The following FBLN7 variants were observed in gnomAD, a reference collection of about 807,000 sequenced individuals.
FBLN7 encodes the protein fibulin 7, also known as fibulin-7.
In FBLN7, 31 loss-of-function variants were observed where a neutral mutation model predicts 44.0. The ratio of observed to expected loss-of-function variants is 0.70; its 90% CI spans 0.53 to 0.95. The LOEUF (loss-of-function observed/expected upper bound fraction) is 0.95, where lower values mean the gene tolerates loss of function less well. Ranked by LOEUF, FBLN7 falls within the 40% of genes least tolerant of loss-of-function variation. The pLI is 0.00. For missense variants in FBLN7, 573 were observed against 618.5 expected (o/e 0.93, Z 0.78); for synonymous variants, 262 against 253.4 (o/e 1.03, Z -0.32).
At chr2:112,205,516 GAAC>G in the FBLN7 span, among the ~76,000 whole-genome samples, 2 of 151,866 alleles carry the variant, frequency 1.3e-5, no homozygotes, top group East Asian at 3.9e-4. Context: ...AAGAAAAAAA[GAAC>G]AACAAAGATA....
the FBLN7 span, among the ~76,000 whole-genome samples, chr2:112,240,988 C>T: frequency 0.097 from 12,970 of 133,944 alleles, 733 homozygotes; most frequent in Non-Finnish European, 0.14. Context: ...TGTGTGTGCG[C>T]GTGTGTATGT....
At chr2:112,155,983 A>C in intron 1 of FBLN7, among the ~76,000 whole-genome samples, 1 of 152,172 alleles carries the variant, frequency 6.6e-6, no homozygotes, top group East Asian at 1.9e-4. Context: ...TACCCGGGGC[A>C]GCTGCGGCTC....
intron 1 of FBLN7, among the ~76,000 whole-genome samples, chr2:112,143,066 C>T: frequency 6.6e-6 from 1 of 152,174 alleles, no homozygotes; most frequent in Non-Finnish European, 1.5e-5. Context: ...CTCTCTCCTG[C>T]TCTCCTCTGT....
At chr2:112,207,510 T>C in the FBLN7 span, among the ~76,000 whole-genome samples, 1 of 151,706 alleles carries the variant, frequency 6.6e-6, no homozygotes, top group Non-Finnish European at 1.5e-5. Flanking sequence ...TTGTTTGAGG[T>C]ATATTCAATA....
At chr2:112,227,112 T>C in the FBLN7 span, among the ~76,000 whole-genome samples, 1 of 152,234 alleles carries the variant, frequency 6.6e-6, no homozygotes, top group Non-Finnish European at 1.5e-5. Context: ...ACTGAATGCT[T>C]CTGCCAAATA....
At chr2:112,160,750 A>G (rs1432941070) in intron 2 of FBLN7, among the ~76,000 whole-genome samples, 14 of 128,794 alleles carry the variant, frequency 1.1e-4, no homozygotes, top group African/African-American at 2.9e-4. Flanking sequence ...ACACACGCGC[A>G]CGCACACACG....
the FBLN7 span, chr2:112,214,348 A>G: frequency 6.6e-6 from 1 of 152,156 alleles, no homozygotes; most frequent in Non-Finnish European, 1.5e-5. Flanking sequence ...CTTTGGCTTT[A>G]AAGACGGTCA....
At chr2:112,162,873 C>T (rs1192739545) in intron 2 of FBLN7, among the ~76,000 whole-genome samples, 1 of 152,018 alleles carries the variant, frequency 6.6e-6, no homozygotes, top group East Asian at 1.9e-4. Context: ...ACTATTTTCC[C>T]CCAATGCATT....
At chr2:112,211,145 A>G in the FBLN7 span, among the ~76,000 whole-genome samples, 1 of 152,168 alleles carries the variant, frequency 6.6e-6, no homozygotes, top group South Asian at 2.1e-4. Context: ...GATGCTTCCT[A>G]TCTTTGACTT....
chr2:112,160,703 C>A (rs1211087596), intron 2 of FBLN7, among the ~76,000 whole-genome samples: 3 of 108,734 alleles, frequency 2.8e-5, no homozygotes, highest in Non-Finnish European at 4.1e-5. Flanking sequence ...CACACACGCA[C>A]GCACACACAC....
At chr2:112,237,570 A>G in the FBLN7 span, among the ~76,000 whole-genome samples, 1 of 141,796 alleles carries the variant, frequency 7.1e-6, no homozygotes, top group Non-Finnish European at 1.6e-5. Flanking sequence ...TGACAGCATT[A>G]AAATTTTAAT....
downstream of FBLN7, among the ~76,000 whole-genome samples, chr2:112,191,651 T>C (rs564014670): frequency 6.6e-6 from 1 of 152,322 alleles, no homozygotes; most frequent in Non-Finnish European, 1.5e-5. Context: ...TCATTTTTTT[T>C]CTTCAATTCT....
the FBLN7 span, chr2:112,236,743 A>T: frequency 6.6e-7 from 1 of 1,520,648 alleles, no homozygotes; most frequent in Non-Finnish European, 8.9e-7. Flanking sequence ...TTACAATAGC[A>T]GTTTACTTTT....
At chr2:112,181,391 T>C (rs1486655797) in intron 4 of FBLN7, among the ~76,000 whole-genome samples, 2 of 151,922 alleles carry the variant, frequency 1.3e-5, no homozygotes, top group Non-Finnish European at 2.9e-5. Context: ...TAGTGGCCCA[T>C]GGTTTTAAAC....
the FBLN7 span, among the ~76,000 whole-genome samples, chr2:112,224,404 T>C: frequency 6.6e-6 from 1 of 152,188 alleles, no homozygotes; most frequent in African/African-American, 2.4e-5. Flanking sequence ...TGAAGAGAAT[T>C]TCATTAACTT....
intron 5 of FBLN7, among the ~76,000 whole-genome samples, chr2:112,182,588 G>A (rs1683055755): frequency 6.6e-6 from 1 of 152,120 alleles, no homozygotes; most frequent in Non-Finnish European, 1.5e-5. Flanking sequence ...AGCCCTCTGG[G>A]CCCTCGGCTT....
intron 4 of FBLN7, among the ~76,000 whole-genome samples, chr2:112,180,747 C>T (rs868559069): frequency 4.0e-5 from 6 of 151,616 alleles, no homozygotes; most frequent in African/African-American, 4.8e-5. Flanking sequence ...GGTGAAACCC[C>T]GTCTCTACTA....
At chr2:112,212,142 T>A in the FBLN7 span, 6 of 152,344 alleles carry the variant, frequency 3.9e-5, no homozygotes, top group Admixed American at 3.9e-4. Flanking sequence ...GCTTCCTGCT[T>A]TGTAGACAGC....
chr2:112,204,059 TAAAG>T, the FBLN7 span, among the ~76,000 whole-genome samples: 6 of 152,048 alleles, frequency 3.9e-5, no homozygotes, highest in East Asian at 7.7e-4. Flanking sequence ...TCAAAAAAAG[TAAAG>T]AAAACCATGT....
Sources: gnomAD v4.1 joint callset for allele counts (sites outside exome capture counted in the v4.1 genomes callset) on GRCh38, gnomAD v4.1.1 for gene constraint, MANE v1.5 for transcripts, NCBI Gene and HGNC (gene_info 2026-07-23, HGNC 2026-07-21) for gene names.